The following HHAT variants were observed in gnomAD, a reference collection of about 807,000 sequenced individuals.
The protein encoded by HHAT is protein-cysteine N-palmitoyltransferase HHAT.
A neutral mutation model predicts 70.8 loss-of-function variants in HHAT; 47 were observed. That is an observed-to-expected ratio of 0.66 (90% CI 0.53 to 0.85). HHAT has a LOEUF of 0.85. HHAT is among the 40% of genes least tolerant of loss of function. The pLI, the probability that HHAT is intolerant of heterozygous loss-of-function variation, is 0.00. For synonymous variants in HHAT, 228 were observed against 247.6 expected (o/e 0.92, Z 0.74); for missense variants, 609 against 604.8 (o/e 1.01, Z -0.07).
intron 6 of HHAT, among the ~76,000 whole-genome samples, chr1:210,408,416 C>G (rs2092414648): frequency 6.6e-6 from 1 of 152,196 alleles, no homozygotes; most frequent in Non-Finnish European, 1.5e-5. Flanking sequence ...CTCCCGACCT[C>G]AGGTGATCCG....
chr1:210,353,134 C>G (rs2087213512), intron 2 of HHAT, among the ~76,000 whole-genome samples: 1 of 151,986 alleles, frequency 6.6e-6, no homozygotes, highest in Non-Finnish European at 1.5e-5. Flanking sequence ...CAGGGTTTTA[C>G]CATGCTAGTC....
At chr1:210,374,785 CCTTA>C (rs902387418) in intron 3 of HHAT, among the ~76,000 whole-genome samples, 10 of 146,522 alleles carry the variant, frequency 6.8e-5, no homozygotes, top group South Asian at 2.1e-4. Context: ...TTTTTTAATC[CCTTA>C]CTTTTAATTT....
intron 8 of HHAT, among the ~76,000 whole-genome samples, chr1:210,501,442 A>G (rs950172922): frequency 6.6e-6 from 1 of 152,180 alleles, no homozygotes; most frequent in African/African-American, 2.4e-5. Flanking sequence ...GGTGGCAAGG[A>G]TTAACTACAG....
At chr1:210,551,356 T>G (rs1167671447) in intron 9 of HHAT, among the ~76,000 whole-genome samples, 1 of 149,084 alleles carries the variant, frequency 6.7e-6, no homozygotes, top group Non-Finnish European at 1.5e-5. Flanking sequence ...ATCACAGTTC[T>G]GAAGATTCTG....
chr1:210,619,598 C>T (rs1224433960), intron 10 of HHAT, among the ~76,000 whole-genome samples: 1 of 152,156 alleles, frequency 6.6e-6, no homozygotes, highest in African/African-American at 2.4e-5. Flanking sequence ...CTCAACAGGG[C>T]TCTGCTGACC....
intron 8 of HHAT, among the ~76,000 whole-genome samples, chr1:210,505,813 T>C (rs561762169): frequency 4.6e-4 from 70 of 152,348 alleles, no homozygotes; most frequent in Non-Finnish European, 8.2e-4. Flanking sequence ...CTGCCCTGCC[T>C]GTGTCATGCT....
intron 7 of HHAT, among the ~76,000 whole-genome samples, chr1:210,426,399 G>C (rs1292072759): frequency 6.6e-6 from 1 of 152,170 alleles, no homozygotes; most frequent in African/African-American, 2.4e-5. Context: ...TGGTAAGAGA[G>C]GGCATCCTTA....
intron 8 of HHAT, among the ~76,000 whole-genome samples, chr1:210,483,746 T>C (rs562918543): frequency 1.3e-5 from 2 of 152,350 alleles, no homozygotes; most frequent in East Asian, 3.9e-4. Context: ...ATTTTTATTA[T>C]ATGGACTGTT....
intron 10 of HHAT, among the ~76,000 whole-genome samples, chr1:210,610,255 C>T (rs1284374857): frequency 6.6e-6 from 1 of 152,150 alleles, no homozygotes; most frequent in East Asian, 1.9e-4. Flanking sequence ...TTTTGATTTG[C>T]ATTTCTCTAA....
chr1:210,342,210 C>T (rs1272256145), intron 1 of HHAT, among the ~76,000 whole-genome samples: 2 of 152,180 alleles, frequency 1.3e-5, no homozygotes, highest in Non-Finnish European at 2.9e-5. Context: ...GGGTCTACCA[C>T]AGCATCAAGG....
rs199960373 is a variant in HHAT at position 210,464,602 on chromosome 1, A to G, written c.954A>G (p.Pro318=). The part of the protein sequence containing the change: ...ALLMRLDGLT[P]PALPRCVSTM... Reference sequence around the variant, plus strand: ...TCATGCGCCTGGATGGACTCACTCCACCCGCCCTCCCCCGCTGCGTGAGCA... The same window carrying G: ...TCATGCGCCTGGATGGACTCACTCCGCCCGCCCTCCCCCGCTGCGTGAGCA... Residue 318 remains proline (P), a synonymous_variant, in exon 8 of 12, where the codon CCA becomes CCG. Coordinates refer to ENST00000261458, the MANE Select transcript of HHAT (RefSeq NM_018194.6). The G allele has an allele frequency of 1.9e-6, 3 of 1,613,828 alleles. No individual in the cohort carries two copies. In the African/African-American group the frequency reaches 4.0e-5, roughly 22 times the overall value.
chr1:210,588,135 T>C (rs918418904), intron 10 of HHAT, 36 bp downstream of exon 10: 4 of 1,517,756 alleles, frequency 2.6e-6, no homozygotes, highest in African/African-American at 1.4e-5. Flanking sequence ...TAGGGGACAG[T>C]GGAACTAGGC....
intron 8 of HHAT, among the ~76,000 whole-genome samples, chr1:210,502,378 A>G (rs1412693971): frequency 1.6e-5 from 2 of 122,356 alleles, no homozygotes; most frequent in Admixed American, 8.4e-5. Context: ...AGCAAGACTC[A>G]GTCTCAAAAA....
chr1:210,416,910 T>G (rs2092737598), intron 6 of HHAT, among the ~76,000 whole-genome samples: 1 of 152,212 alleles, frequency 6.6e-6, no homozygotes, highest in African/African-American at 2.4e-5. Context: ...TTTTTTACTT[T>G]AGGAGGAAAC....
rs186457369 is a variant in HHAT, at chr1:210,408,337, C to T, written c.684+3658C>T. On this transcript the variant is annotated intron_variant, in intron 6 of 11. Coordinates refer to ENST00000261458, the MANE Select transcript of HHAT (RefSeq NM_018194.6). The stretch of plus-strand genomic sequence containing the variant: ...AGCTGGAATTATAGGCGTGCACCAA[C>T]GCACCCAGCTGATTTTTGTATTTTT... Among the ~76,000 whole-genome samples the T allele has an allele frequency of 1.2e-3, 185 of 152,218 alleles. 1 individual carries two copies. The highest frequency in any genetic ancestry group is 4.2e-3 in the African/African-American group (176 of 41,528).
intron 11 of HHAT, among the ~76,000 whole-genome samples, chr1:210,657,952 G>A (rs891392758): frequency 1.3e-5 from 2 of 152,202 alleles, no homozygotes; most frequent in Non-Finnish European, 2.9e-5. Context: ...GTCTTGATCA[G>A]AGGTTTTGCC....
At chr1:210,564,222 C>G (rs1252129309) in intron 9 of HHAT, among the ~76,000 whole-genome samples, 1 of 152,038 alleles carries the variant, frequency 6.6e-6, no homozygotes, top group African/African-American at 2.4e-5. Context: ...CTCAGCCTCC[C>G]AAAGTGCTGG....
At chr1:210,374,162 C>G (rs968500658) in intron 3 of HHAT, 1 of 152,142 alleles carries the variant, frequency 6.6e-6, no homozygotes, top group Non-Finnish European at 1.5e-5. Flanking sequence ...ATCTGCCTCC[C>G]CAGGGCAAGG....
rs187313174 is a variant in HHAT, at chr1:210,617,568, A to G, written c.1246-5958A>G. Among the ~76,000 whole-genome samples the G allele has an allele frequency of 5.5e-4, 84 of 152,328 alleles. 1 individual carries two copies. The highest frequency in any genetic ancestry group is 6.8e-3 in the Middle Eastern group (2 of 294). On this transcript the variant is annotated intron_variant, in intron 10 of 11. Transcript: ENST00000261458. Reference sequence around the variant, plus strand: ...TAGCAGGAACCCAGGCACCCCAAACATGGCTTAAGTTCTCTAACTAGACAG... The same window carrying G: ...TAGCAGGAACCCAGGCACCCCAAACGTGGCTTAAGTTCTCTAACTAGACAG...
Sources: gnomAD v4.1 joint callset for allele counts (sites outside exome capture counted in the v4.1 genomes callset) on GRCh38, gnomAD v4.1.1 for gene constraint, MANE v1.5 for transcripts, NCBI Gene and HGNC (gene_info 2026-07-23, HGNC 2026-07-21) for gene names.